Variants in RNGTT observed in about 807,000 individuals in gnomAD.
RNGTT encodes RNA guanylyltransferase and 5'-phosphatase.
RNGTT carries 33 observed loss-of-function variants against 79.3 expected under a neutral mutation model. The observed-to-expected ratio is 0.42, with a 90% CI of 0.32 to 0.56. The LOEUF is 0.56. Ranked by LOEUF, RNGTT falls within the 20% of genes least tolerant of loss-of-function variation. The probability of loss-of-function intolerance (pLI) is 0.17; values close to 1 mark genes in which losing one functional copy is unlikely to be tolerated. For missense variants in RNGTT, 497 were observed against 739.1 expected, an observed-to-expected ratio of 0.67 and a Z score of 3.80; for synonymous variants, 222 against 235.9, an observed-to-expected ratio of 0.94 and a Z score of 0.54.
intron 8 of RNGTT, among the ~76,000 whole-genome samples, chr6:88,864,524 C>T (rs548486860): frequency 1.3e-5 from 2 of 152,166 alleles, no homozygotes; most frequent in East Asian, 3.9e-4. Flanking sequence ...AACCATTCAT[C>T]CCATACCAGC....
At chr6:88,866,052 A>T (rs1782154698) in intron 8 of RNGTT, among the ~76,000 whole-genome samples, 1 of 152,206 alleles carries the variant, frequency 6.6e-6, no homozygotes, top group African/African-American at 2.4e-5. Context: ...AAATTTATAA[A>T]ATCAACTAAC....
chr6:88,921,297 T>A (rs1013131187), intron 4 of RNGTT, among the ~76,000 whole-genome samples: 2 of 151,846 alleles, frequency 1.3e-5, no homozygotes, highest in African/African-American at 4.8e-5. Context: ...CCAGCCTGGG[T>A]GACATAGTGA....
At chr6:88,691,980 A>T (rs1425019866) in intron 13 of RNGTT, among the ~76,000 whole-genome samples, 2 of 152,196 alleles carry the variant, frequency 1.3e-5, no homozygotes, top group Non-Finnish European at 2.9e-5. Flanking sequence ...TAGAAACAAA[A>T]ATCTCACATA....
chr6:88,653,015 C>A (rs549300626), intron 14 of RNGTT, among the ~76,000 whole-genome samples: 14 of 152,240 alleles, frequency 9.2e-5, no homozygotes, highest in Admixed American at 9.2e-4. Flanking sequence ...GAAACTGTGG[C>A]ATTATTTATC....
intron 10 of RNGTT, among the ~76,000 whole-genome samples, chr6:88,844,809 C>T (rs1354591852): frequency 6.6e-6 from 1 of 151,560 alleles, no homozygotes; most frequent in African/African-American, 2.4e-5. Context: ...ACATCTAGGC[C>T]GGGTGTGGTG....
At chr6:88,709,398 A>C (rs1381043073) in intron 13 of RNGTT, among the ~76,000 whole-genome samples, 1 of 152,206 alleles carries the variant, frequency 6.6e-6, no homozygotes, top group Non-Finnish European at 1.5e-5. Flanking sequence ...AATATAAAGA[A>C]GGAAAATGAG....
rs1772525219 is a variant in RNGTT, at chr6:88,623,783, C to G, written c.1507-9388G>C. On this transcript the variant is annotated intron_variant, in intron 14 of 15. Transcript: ENST00000369485. ...ACCGGTTGAAAAGGAAGAAATAGGA[C>G]TGTCTTTATTCACAGACAACATGAT... Among the ~76,000 whole-genome samples the G allele has an allele frequency of 1.3e-5, 2 of 152,052 alleles. 1 individual carries two copies. Among genetic ancestry groups the G allele is most frequent in the African/African-American group, 4.8e-5 (2 of 41,416 alleles).
At chr6:88,802,815 C>T (rs896449627) in intron 11 of RNGTT, among the ~76,000 whole-genome samples, 1 of 152,052 alleles carries the variant, frequency 6.6e-6, no homozygotes, top group East Asian at 1.9e-4. Flanking sequence ...GAAATAGCCC[C>T]CACGAATCAA....
chr6:88,625,623 G>A (rs979072139), intron 14 of RNGTT, among the ~76,000 whole-genome samples: 1 of 151,808 alleles, frequency 6.6e-6, no homozygotes, highest in African/African-American at 2.4e-5. Flanking sequence ...TTTAATGGCG[G>A]TGGTGGGGGC....
chr6:88,931,318 G>A (rs1784508139), intron 2 of RNGTT, among the ~76,000 whole-genome samples: 1 of 152,084 alleles, frequency 6.6e-6, no homozygotes. Context: ...TGAGTGTGCA[G>A]GGGAGAACAC....
intron 14 of RNGTT, among the ~76,000 whole-genome samples, chr6:88,632,106 G>A (rs1039337469): frequency 2.6e-5 from 4 of 152,102 alleles, no homozygotes; most frequent in Non-Finnish European, 5.9e-5. Flanking sequence ...AACTACAGGC[G>A]TGTGCCACCA....
intron 13 of RNGTT, among the ~76,000 whole-genome samples, chr6:88,740,746 C>T (rs1318088813): frequency 1.3e-5 from 2 of 152,036 alleles, no homozygotes; most frequent in Admixed American, 6.6e-5. Flanking sequence ...GAACAACACA[C>T]ACCAAGGCCT....
At chr6:88,633,412 C>T (rs1582257644) in intron 14 of RNGTT, among the ~76,000 whole-genome samples, 2 of 152,192 alleles carry the variant, frequency 1.3e-5, no homozygotes, top group East Asian at 3.8e-4. Flanking sequence ...ATTGCATCCT[C>T]CCCTCTGGAT....
chr6:88,809,639 G>A (rs1780071103), intron 11 of RNGTT, among the ~76,000 whole-genome samples: 1 of 151,918 alleles, frequency 6.6e-6, no homozygotes, highest in African/African-American at 2.4e-5. Context: ...AAATTAAAAG[G>A]GAAATTTTAA....
At chr6:88,939,753 G>A (rs773014904) in intron 2 of RNGTT, among the ~76,000 whole-genome samples, 12 of 150,810 alleles carry the variant, frequency 8.0e-5, no homozygotes, top group Non-Finnish European at 1.0e-4. Context: ...CACATCTGGT[G>A]TAACACTCAC....
intron 13 of RNGTT, among the ~76,000 whole-genome samples, chr6:88,679,228 A>C (rs1346942333): frequency 6.6e-6 from 1 of 152,208 alleles, no homozygotes; most frequent in Non-Finnish European, 1.5e-5. Context: ...GGTATAACAG[A>C]GAAACTCACC....
chr6:88,936,601 T>A (rs1267018123), intron 2 of RNGTT, among the ~76,000 whole-genome samples: 1 of 152,224 alleles, frequency 6.6e-6, no homozygotes, highest in Non-Finnish European at 1.5e-5. Flanking sequence ...TTGATTCTTA[T>A]CAAATGCTTT....
intron 11 of RNGTT, among the ~76,000 whole-genome samples, chr6:88,814,864 A>C (rs1293989791): frequency 6.6e-6 from 1 of 152,232 alleles, no homozygotes; most frequent in Non-Finnish European, 1.5e-5. Context: ...AATAAAATTT[A>C]AGATTTTCAA....
chr6:88,691,261 A>C (rs1775470810), intron 13 of RNGTT, among the ~76,000 whole-genome samples: 1 of 152,102 alleles, frequency 6.6e-6, no homozygotes, highest in African/African-American at 2.4e-5. Context: ...TGGCCATGTA[A>C]GATGTGCCTC....
Sources: gnomAD v4.1 joint callset for allele counts (sites outside exome capture counted in the v4.1 genomes callset) on GRCh38, gnomAD v4.1.1 for gene constraint, MANE v1.5 for transcripts, NCBI Gene and HGNC (gene_info 2026-07-23, HGNC 2026-07-21) for gene names.